The following PPP6R3 variants were observed in gnomAD, a reference collection of about 807,000 sequenced individuals.
PPP6R3 encodes the protein protein phosphatase 6 regulatory subunit 3, also known as serine/threonine-protein phosphatase 6 regulatory subunit 3.
Under a neutral mutation model 110.7 loss-of-function variants are expected in PPP6R3, and 38 were observed. The observed-to-expected ratio is 0.34, with a 90% CI of 0.26 to 0.45. The LOEUF (loss-of-function observed/expected upper bound fraction) is 0.45, where lower values mean the gene tolerates loss of function less well. Ranked by LOEUF, PPP6R3 falls within the 20% of genes least tolerant of loss-of-function variation. The pLI, the probability that PPP6R3 is intolerant of heterozygous loss-of-function variation, is 1.00. For missense variants in PPP6R3, 870 were observed against 1,062.4 expected (o/e 0.82, Z 2.52); for synonymous variants, 369 against 373.5 (o/e 0.99, Z 0.14).
chr11:68,608,944 T>G lies in PPP6R3; in HGVS notation c.2451-960T>G, dbSNP rs185121737. ...TCAGATGATCACTAAATCATATGAT[T>G]TTAACTCATTTTCCTACTTATAAAT... is the stretch of plus-strand genomic sequence containing the variant. On this transcript the variant is annotated intron_variant, in intron 22 of 23. Coordinates refer to ENST00000393800, the MANE Select transcript of PPP6R3 (RefSeq NM_001164161.2). 2.7e-3 allele frequency among the ~76,000 whole-genome samples: 409 copies of G among 152,290 alleles called. 2 individuals carry two copies. Among genetic ancestry groups the G allele is most frequent in the African/African-American group, 9.5e-3 (395 of 41,560 alleles).
At chr11:68,591,734 T>G in intron 18 of PPP6R3, 28 bp downstream of exon 18, 5 of 1,594,554 alleles carry the variant, frequency 3.1e-6, no homozygotes, top group Non-Finnish European at 4.3e-6. Context: ...ATAGTTGTAA[T>G]TATAGCCAAC....
At chr11:68,524,073 T>G (rs1374366471) in intron 2 of PPP6R3, among the ~76,000 whole-genome samples, 1 of 152,170 alleles carries the variant, frequency 6.6e-6, no homozygotes, top group Non-Finnish European at 1.5e-5. Flanking sequence ...TGTTAATCAT[T>G]TAGTACAACC....
chr11:68,600,785 C>T (rs561770526), intron 20 of PPP6R3, among the ~76,000 whole-genome samples: 77 of 152,238 alleles, frequency 5.1e-4, no homozygotes, highest in African/African-American at 1.7e-3. Flanking sequence ...GATGCATCTC[C>T]GTGAGCTTTT....
At position 68,489,504 on chromosome 11, in the gene PPP6R3, C is replaced by G. The variant is rs117001680; in HGVS notation, c.-158+28677C>G. Among the ~76,000 whole-genome samples the G allele has an allele frequency of 7.8e-3, 1,180 of 150,974 alleles. 9 individuals are homozygous for G. Among genetic ancestry groups the G allele is most frequent in the Non-Finnish European group, 0.013 (877 of 67,856 alleles). On this transcript the variant is annotated intron_variant, in intron 1 of 23. Transcript: ENST00000393800. ...GGTAGTGCACATACAGGTATTATAC[C>G]TCGTTTTATTGTGGCTCACTTTCTT...
chr11:68,613,818 C>T lies in PPP6R3; in HGVS notation c.*701C>T. On this transcript the variant is annotated 3_prime_UTR_variant, in exon 24 of 24. Coordinates refer to ENST00000393800, the MANE Select transcript of PPP6R3 (RefSeq NM_001164161.2). Reference sequence around the variant, plus strand: ...TTATCGTAAAGCCATATGTTCTGTTCAAGTCTTGTTTGCTTGAAATGATTA... The same window carrying T: ...TTATCGTAAAGCCATATGTTCTGTTTAAGTCTTGTTTGCTTGAAATGATTA... 1.0e-6 allele frequency: 1 copy of T among 984,622 alleles called. No homozygotes were observed. Among genetic ancestry groups the T allele is most frequent in the Middle Eastern group, 5.3e-4 (1 of 1,900 alleles). 61.0% of individuals were successfully genotyped at this position (984,622 alleles called of 1,614,324 possible).
chr11:68,550,756 T>TA (rs2099367718), intron 5 of PPP6R3, among the ~76,000 whole-genome samples: 1 of 152,228 alleles, frequency 6.6e-6, no homozygotes, highest in African/African-American at 2.4e-5. Flanking sequence ...AACGTGCTCT[T>TA]ACAGAAAATG....
chr11:68,596,188 G>T lies in PPP6R3; in HGVS notation c.2008G>T (p.Glu670Ter). The change falls in exon 19 of 24, where the codon GAG becomes TAG. Residue 670 changes from glutamate (E) to a stop codon, truncating the protein, a stop_gained. Coordinates refer to ENST00000393800, the MANE Select transcript of PPP6R3 (RefSeq NM_001164161.2). LOFTEE classifies it high-confidence loss of function. ...DLFEPSSANT[E>*]DKMEVDLSEP... ...GTTTGAACCCAGCAGTGCCAACACG[G>T]AGGATAAAATGGAGGTGGACCTGAG... The T allele has an allele frequency of 6.2e-7, 1 of 1,614,240 alleles. No individual in the cohort carries two copies. The highest frequency in any genetic ancestry group is 8.5e-7 in the Non-Finnish European group (1 of 1,180,034).
chr11:68,583,135 T>A lies in PPP6R3; in HGVS notation c.1632+6T>A. Reference sequence around the variant, plus strand: ...AGGATTCTTCTTTGCAGCAAGTGAGTCACGCCTAAAGCTTTGCTTTTTGTT... The same window carrying A: ...AGGATTCTTCTTTGCAGCAAGTGAGACACGCCTAAAGCTTTGCTTTTTGTT... On this transcript the variant is annotated splice_donor_region_variant and intron_variant, in intron 15 of 23. Coordinates refer to ENST00000393800, the MANE Select transcript of PPP6R3 (RefSeq NM_001164161.2). 1 of 1,525,332 alleles carries A rather than the reference T, an allele frequency of 6.6e-7. No homozygotes were observed. Among genetic ancestry groups the A allele is most frequent in the Non-Finnish European group, 8.9e-7 (1 of 1,128,258 alleles). 94.5% of individuals were successfully genotyped at this position (1,525,332 alleles called of 1,614,324 possible). A position where few individuals can be genotyped will look rare whatever the true frequency, so the allele number is the denominator to read the frequency against.
At chr11:68,486,699 A>G (rs1324188628) in intron 1 of PPP6R3, among the ~76,000 whole-genome samples, 1 of 151,776 alleles carries the variant, frequency 6.6e-6, no homozygotes, top group African/African-American at 2.4e-5. Context: ...TTAAATATTC[A>G]GTAGAATTCA....
chr11:68,613,530 A>G lies in PPP6R3; in HGVS notation c.*413A>G. The G allele has an allele frequency of 2.0e-6, 2 of 987,480 alleles. No homozygotes were observed. Among genetic ancestry groups the G allele is most frequent in the Non-Finnish European group, 2.4e-6 (2 of 831,080 alleles). 61.2% of individuals were successfully genotyped at this position (987,480 alleles called of 1,614,324 possible). Reference sequence around the variant, plus strand: ...CCAAAGTATTAGGCGGTTTTCATACATTTTTCACCTTGTACAAAATTATGA... The same window carrying G: ...CCAAAGTATTAGGCGGTTTTCATACGTTTTTCACCTTGTACAAAATTATGA... On this transcript the variant is annotated 3_prime_UTR_variant, in exon 24 of 24. Transcript: ENST00000393800.
At chr11:68,560,757 T>G (rs1196330760) in intron 8 of PPP6R3, among the ~76,000 whole-genome samples, 1 of 152,186 alleles carries the variant, frequency 6.6e-6, no homozygotes, top group Non-Finnish European at 1.5e-5. Context: ...CCTCTGTATC[T>G]GCTGAGGATT....
At chr11:68,462,069 C>T (rs947555530) in intron 1 of PPP6R3, among the ~76,000 whole-genome samples, 5 of 152,098 alleles carry the variant, frequency 3.3e-5, no homozygotes, top group African/African-American at 1.2e-4. Context: ...AATAAGTGTC[C>T]CAGCCATAAG....
At chr11:68,527,863 A>G (rs2099208643) in intron 2 of PPP6R3, among the ~76,000 whole-genome samples, 1 of 152,136 alleles carries the variant, frequency 6.6e-6, no homozygotes, top group Non-Finnish European at 1.5e-5. Flanking sequence ...TCCTGAAGCT[A>G]CTGGGTCTTC....
At chr11:68,589,995 C>T (rs1273137274) in intron 16 of PPP6R3, among the ~76,000 whole-genome samples, 1 of 152,230 alleles carries the variant, frequency 6.6e-6, no homozygotes, top group Non-Finnish European at 1.5e-5. Flanking sequence ...CTGCAGGTCC[C>T]TGTTTGGTGT....
At chr11:68,607,640 A>G (rs1422856783) in intron 22 of PPP6R3, among the ~76,000 whole-genome samples, 1 of 152,256 alleles carries the variant, frequency 6.6e-6, no homozygotes, top group African/African-American at 2.4e-5. Flanking sequence ...ATGATGGTTA[A>G]TAAAAGAAAT....
chr11:68,475,173 C>T (rs1159550216), intron 1 of PPP6R3, among the ~76,000 whole-genome samples: 1 of 152,158 alleles, frequency 6.6e-6, no homozygotes, highest in Non-Finnish European at 1.5e-5. Flanking sequence ...TTGCACCGCC[C>T]TTAATCCATT....
At chr11:68,511,463 AGTGTGTGTGTGTGT>A (rs111457206) in intron 1 of PPP6R3, among the ~76,000 whole-genome samples, 4 of 138,604 alleles carry the variant, frequency 2.9e-5, no homozygotes, top group East Asian at 2.2e-4. Context: ...ACTGTGTTAG[AGTGTGTGTGTGTGT>A]GTGTGTGTGT....
At chr11:68,596,337 G>A in intron 19 of PPP6R3, 119 bp downstream of exon 19, 1 of 1,401,264 alleles carries the variant, frequency 7.1e-7, no homozygotes, top group South Asian at 1.3e-5. Flanking sequence ...TTGGGTTGAA[G>A]CGTGTTGTCA....
At chr11:68,526,141 T>G (rs531747791) in intron 2 of PPP6R3, among the ~76,000 whole-genome samples, 1 of 152,346 alleles carries the variant, frequency 6.6e-6, no homozygotes, top group African/African-American at 2.4e-5. Context: ...TTTGACTCAT[T>G]TGTTCGCTCT....
Sources: allele counts gnomAD v4.1 joint callset (sites outside exome capture counted in the v4.1 genomes callset), GRCh38; gene constraint gnomAD v4.1.1; transcripts MANE v1.5; gene names NCBI Gene and HGNC (gene_info 2026-07-23, HGNC 2026-07-21).